The following AKT3 variants were observed in gnomAD, a reference collection of about 807,000 sequenced individuals.
AKT3 encodes AKT serine/threonine kinase 3.
Under a neutral mutation model 65.3 loss-of-function variants are expected in AKT3, and 15 were observed. That is an observed-to-expected ratio of 0.23 (90% CI 0.15 to 0.35). AKT3 has a LOEUF of 0.35. Ranked by LOEUF, AKT3 falls within the 10% of genes least tolerant of loss-of-function variation. The pLI is 1.00. For synonymous variants in AKT3, 206 were observed against 183.8 expected (o/e 1.12, Z -0.98); for missense variants, 243 against 576.5 (o/e 0.42, Z 5.92).
intron 5 of AKT3, among the ~76,000 whole-genome samples, chr1:243,643,862 C>CATA: frequency 6.6e-6 from 1 of 152,110 alleles, no homozygotes; most frequent in East Asian, 1.9e-4. Flanking sequence ...AAAAATAATC[C>CATA]AAACTTCTGC....
At chr1:243,585,527 T>A (rs540900316) in intron 8 of AKT3, among the ~76,000 whole-genome samples, 2 of 152,228 alleles carry the variant, frequency 1.3e-5, no homozygotes, top group East Asian at 3.9e-4. Flanking sequence ...AGCATGGTAC[T>A]GTAAAAAAAC....
chr1:243,493,826 G>A (rs1336774231), intron 13 of AKT3, among the ~76,000 whole-genome samples: 1 of 151,684 alleles, frequency 6.6e-6, no homozygotes, highest in Admixed American at 6.6e-5. Context: ...AAACAAGCAG[G>A]GGACACAGAG....
chr1:243,508,578 G>C (rs1264115547), intron 13 of AKT3, among the ~76,000 whole-genome samples: 3 of 151,488 alleles, frequency 2.0e-5, no homozygotes, highest in African/African-American at 4.9e-5. Context: ...ACATTGCTGG[G>C]CTCTCGTTTC....
chr1:243,708,810 A>G (rs529373388), intron 2 of AKT3, among the ~76,000 whole-genome samples: 11 of 152,156 alleles, frequency 7.2e-5, no homozygotes, highest in Non-Finnish European at 1.6e-4. Flanking sequence ...TTTGAGGAGG[A>G]TAACAATTCA....
At chr1:243,587,484 CGCTGTA>C (rs1675896627) in intron 8 of AKT3, among the ~76,000 whole-genome samples, 4 of 151,928 alleles carry the variant, frequency 2.6e-5, no homozygotes, top group African/African-American at 9.7e-5. Flanking sequence ...TGGTGGCGGG[CGCTGTA>C]ATCCCAGCTA....
intron 8 of AKT3, among the ~76,000 whole-genome samples, chr1:243,600,335 A>C (rs1232315198): frequency 6.6e-6 from 1 of 152,274 alleles, no homozygotes; most frequent in African/African-American, 2.4e-5. Flanking sequence ...AATGCAAAGG[A>C]AATTGGATAG....
chr1:243,702,013 A>G (rs1396806183), intron 2 of AKT3, among the ~76,000 whole-genome samples: 1 of 151,766 alleles, frequency 6.6e-6, no homozygotes, highest in Non-Finnish European at 1.5e-5. Flanking sequence ...AAAAAAATGT[A>G]TAGATTACAT....
intron 9 of AKT3, among the ~76,000 whole-genome samples, chr1:243,569,898 A>G (rs1674434881): frequency 1.3e-5 from 2 of 152,232 alleles, no homozygotes; most frequent in Admixed American, 1.3e-4. Flanking sequence ...ATTTTAACAT[A>G]TAATTTGGAC....
intron 2 of AKT3, among the ~76,000 whole-genome samples, chr1:243,751,307 G>A (rs958623061): frequency 1.3e-5 from 2 of 152,228 alleles, no homozygotes; most frequent in African/African-American, 4.8e-5. Flanking sequence ...AGCTGTGACA[G>A]ACTCTTTAAA....
intron 2 of AKT3, among the ~76,000 whole-genome samples, chr1:243,758,456 C>CA (rs1335983640): frequency 6.6e-6 from 1 of 152,042 alleles, no homozygotes; most frequent in East Asian, 1.9e-4. Context: ...TCCAGGAAGA[C>CA]AAAAAAGCTG....
intron 4 of AKT3, among the ~76,000 whole-genome samples, chr1:243,656,439 T>C (rs2147885617): frequency 6.6e-6 from 1 of 152,232 alleles, no homozygotes; most frequent in Middle Eastern, 3.4e-3. Context: ...TGGGGAAGTA[T>C]AATAAAATGT....
chr1:243,681,676 G>A (rs1228979334), intron 3 of AKT3, among the ~76,000 whole-genome samples: 1 of 152,174 alleles, frequency 6.6e-6, no homozygotes, highest in Non-Finnish European at 1.5e-5. Flanking sequence ...ATTACTTGAA[G>A]AGAGCTGTCA....
chr1:243,610,830 C>T (rs1390573750), intron 8 of AKT3, among the ~76,000 whole-genome samples: 1 of 152,176 alleles, frequency 6.6e-6, no homozygotes, highest in Non-Finnish European at 1.5e-5. Context: ...GCTTTATACT[C>T]GTCTGCACCT....
At chr1:243,805,929 G>T (rs939360836) in intron 2 of AKT3, among the ~76,000 whole-genome samples, 1 of 152,024 alleles carries the variant, frequency 6.6e-6, no homozygotes, top group African/African-American at 2.4e-5. Flanking sequence ...ATACAAAAGG[G>T]TGAATAACCA....
chr1:243,772,969 T>TA (rs1255709290), intron 2 of AKT3, among the ~76,000 whole-genome samples: 2 of 133,542 alleles, frequency 1.5e-5, no homozygotes, highest in African/African-American at 5.7e-5. Context: ...TTCTCACTCA[T>TA]AGGTGGGAAA....
chr1:243,527,474 ATATAAT>A (rs1671187704), intron 12 of AKT3, among the ~76,000 whole-genome samples: 2 of 152,312 alleles, frequency 1.3e-5, no homozygotes, highest in African/African-American at 4.8e-5. Context: ...TATAATACTT[ATATAAT>A]TATGTTTTAT....
intron 2 of AKT3, among the ~76,000 whole-genome samples, chr1:243,806,026 C>T (rs1692701293): frequency 6.6e-6 from 1 of 152,166 alleles, no homozygotes; most frequent in African/African-American, 2.4e-5. Flanking sequence ...CACACACACA[C>T]TCCTCAGCAT....
At chr1:243,761,008 G>A (rs976200662) in intron 2 of AKT3, among the ~76,000 whole-genome samples, 3 of 152,144 alleles carry the variant, frequency 2.0e-5, no homozygotes, top group African/African-American at 7.2e-5. Context: ...CAAGAACCCA[G>A]CCCTGTATTT....
At chr1:243,538,485 C>T (rs1308880995) in intron 12 of AKT3, among the ~76,000 whole-genome samples, 3 of 151,740 alleles carry the variant, frequency 2.0e-5, no homozygotes, top group African/African-American at 7.3e-5. Flanking sequence ...TACATTAAGT[C>T]GTATTTTCTA....
Sources: gnomAD v4.1 joint callset for allele counts (sites outside exome capture counted in the v4.1 genomes callset) on GRCh38, gnomAD v4.1.1 for gene constraint, MANE v1.5 for transcripts, NCBI Gene and HGNC (gene_info 2026-07-23, HGNC 2026-07-21) for gene names.